IL17D: variants seen among roughly 807,000 people sequenced by gnomAD.
IL17D encodes interleukin 17D.
IL17D carries 10 observed loss-of-function variants against 5.7 expected under a neutral mutation model. The ratio of observed to expected loss-of-function variants is 1.75; its 90% CI spans 1.08 to 2.97. The LOEUF (loss-of-function observed/expected upper bound fraction) is 2.97, where lower values mean the gene tolerates loss of function less well. IL17D is among the 30% of genes most tolerant of loss of function. IL17D has a pLI of 0.00. For missense variants in IL17D, 354 were observed against 292.7 expected, an observed-to-expected ratio of 1.21 and a Z score of -1.53; for synonymous variants, 172 against 141.7, an observed-to-expected ratio of 1.21 and a Z score of -1.52.
At chr13:20,706,263 C>T (rs2058591576) in intron 1 of IL17D, among the ~76,000 whole-genome samples, 1 of 152,242 alleles carries the variant, frequency 6.6e-6, no homozygotes, top group African/African-American at 2.4e-5. Context: ...TCCTCCATTT[C>T]CAGGACCTGA....
intron 1 of IL17D, among the ~76,000 whole-genome samples, chr13:20,718,583 G>GC (rs1269184047): frequency 1.1e-5 from 1 of 92,158 alleles, no homozygotes; most frequent in African/African-American, 4.5e-5. Flanking sequence ...GCTCACACCT[G>GC]CCCCCACACA....
At chr13:20,706,100 C>T (rs771689566) in intron 1 of IL17D, among the ~76,000 whole-genome samples, 1 of 152,208 alleles carries the variant, frequency 6.6e-6, no homozygotes, top group Non-Finnish European at 1.5e-5. Flanking sequence ...ACCAAGCTCA[C>T]TGTGGCAGAG....
rs941331953 is a variant in IL17D, at chr13:20,703,869, C to T, written c.-133C>T. Reference sequence around the variant, plus strand: ...CCCGCGCGGCTCCCATCCTCCGGGCCGGCCTCTGGCTCCGCGGGGCGAGGG... The same window carrying T: ...CCCGCGCGGCTCCCATCCTCCGGGCTGGCCTCTGGCTCCGCGGGGCGAGGG... On this transcript the variant is annotated 5_prime_UTR_variant, in exon 1 of 2. Coordinates refer to ENST00000682841, the MANE Select transcript of IL17D (RefSeq NM_001385224.1). 5 of 274,500 alleles carry T rather than the reference C, an allele frequency of 1.8e-5. No homozygotes were observed. In the Admixed American group the frequency reaches 2.7e-4, roughly 15 times the overall value. The allele number at this position is 274,500 out of a possible 1,614,324, so 17.0% of individuals were successfully genotyped here.
chr13:20,707,139 A>G (rs930334748), intron 1 of IL17D, among the ~76,000 whole-genome samples: 6 of 151,922 alleles, frequency 3.9e-5, no homozygotes, highest in Non-Finnish European at 7.4e-5. Context: ...ATCACCTCTC[A>G]CCATCTTTTG....
At chr13:20,708,693 A>G (rs1205946042) in intron 1 of IL17D, among the ~76,000 whole-genome samples, 1 of 151,852 alleles carries the variant, frequency 6.6e-6, no homozygotes, top group Non-Finnish European at 1.5e-5. Context: ...AGCTCCCACA[A>G]ATCAGTAAGA....
chr13:20,708,213 G>C (rs1363468503), intron 1 of IL17D, among the ~76,000 whole-genome samples: 1 of 152,234 alleles, frequency 6.6e-6, no homozygotes, highest in African/African-American at 2.4e-5. Context: ...ACGCCCTAAA[G>C]GCACAGCAGT....
upstream of IL17D, chr13:20,702,311 T>C (rs933756244): frequency 3.9e-5 from 6 of 152,240 alleles, no homozygotes; most frequent in Non-Finnish European, 7.3e-5. Context: ...TCCTTAGTTA[T>C]AGAACATTCA....
At chr13:20,701,644 G>C, upstream of IL17D, 1 of 152,252 alleles carries the variant, frequency 6.6e-6, no homozygotes, top group Middle Eastern at 3.4e-3. Flanking sequence ...AACACGATGA[G>C]CCTGCTTTTG....
intron 1 of IL17D, among the ~76,000 whole-genome samples, chr13:20,719,127 T>C (rs1410138712): frequency 7.9e-6 from 1 of 126,092 alleles, no homozygotes; most frequent in South Asian, 2.7e-4. Flanking sequence ...CTGCCCACAC[T>C]CATCCACACA....
Position 20,707,583 on chromosome 13 carries a change from CACAG to C in IL17D, c.290+3298_290+3301del, listed in dbSNP as rs894261881. On this transcript the variant is annotated intron_variant, in intron 1 of 1. Transcript: ENST00000682841. ...TGCCACCCAGCCTGGAGTGCAGTGA[CACAG>C]ACAGATCAATGCAGCCTTGACCTTC... Among the ~76,000 whole-genome samples, 9 of 151,974 alleles carry C rather than the reference CACAG, an allele frequency of 5.9e-5. 1 individual carries two copies. Among genetic ancestry groups the C allele is most frequent in the Admixed American group, 5.9e-4 (9 of 15,250 alleles).
In IL17D at chr13:20,709,064, C is replaced by G. The variant is rs140755832; in HGVS notation, c.290+4773C>G. ...TTCCCGGGGAAGGAAGGTCAAATGA[C>G]TCAAACGCTTGACACAGAAAGCAAC... On this transcript the variant is annotated intron_variant, in intron 1 of 1. Coordinates refer to ENST00000682841, the MANE Select transcript of IL17D (RefSeq NM_001385224.1). 8.7e-3 allele frequency among the ~76,000 whole-genome samples: 1,318 copies of G among 150,814 alleles called. 11 individuals are homozygous for G. Among genetic ancestry groups the G allele is most frequent in the Non-Finnish European group, 0.014 (961 of 67,716 alleles).
rs1221501899 is a variant in IL17D at position 20,705,324 on chromosome 13, T to TG, written c.290+1040dup. Among the ~76,000 whole-genome samples the TG allele has an allele frequency of 1.2e-3, 41 of 35,280 alleles. No individual in the cohort carries two copies. In the South Asian group the frequency reaches 0.013, roughly 11 times the overall value. The allele number at this position is 35,280 out of a possible 152,430, so 23.1% of individuals were successfully genotyped here. ...ACAAGGCGAGCGGGGGCGGTGGGGG[T>TG]GGGGGGGCGTAGGCGAGGTGTTTGC... On this transcript the variant is annotated intron_variant, in intron 1 of 1. Coordinates refer to ENST00000682841, the MANE Select transcript of IL17D (RefSeq NM_001385224.1).
chr13:20,715,850 C>G (rs1392461083), intron 1 of IL17D, among the ~76,000 whole-genome samples: 1 of 152,002 alleles, frequency 6.6e-6, no homozygotes, highest in Non-Finnish European at 1.5e-5. Flanking sequence ...CTCAAGGGAT[C>G]CTCCCATCTC....
At chr13:20,720,237 A>G (rs1178265531) in intron 1 of IL17D, among the ~76,000 whole-genome samples, 1 of 151,878 alleles carries the variant, frequency 6.6e-6, no homozygotes, top group Admixed American at 6.6e-5. Context: ...GCCCCCGGAG[A>G]CTATCATCTT....
chr13:20,706,569 G>A (rs1029106187), intron 1 of IL17D, among the ~76,000 whole-genome samples: 1 of 152,260 alleles, frequency 6.6e-6, no homozygotes, highest in Non-Finnish European at 1.5e-5. Context: ...TTAGGAACAA[G>A]TGTTGTGGGA....
chr13:20,704,339 G>C (rs1684378429), intron 1 of IL17D, 48 bp downstream of exon 1: 1 of 1,056,664 alleles, frequency 9.5e-7, no homozygotes, highest in Admixed American at 5.0e-5. Context: ...GGGGAGGGCA[G>C]GGCTGGGCGG....
At chr13:20,713,276 T>C (rs892937667) in intron 1 of IL17D, 3 of 152,204 alleles carry the variant, frequency 2.0e-5, no homozygotes, top group African/African-American at 7.2e-5. Flanking sequence ...CGGCGGGACA[T>C]TGTTCATCCT....
chr13:20,720,868 C>T (rs1463436185), intron 1 of IL17D, among the ~76,000 whole-genome samples: 1 of 99,492 alleles, frequency 1.0e-5, no homozygotes, highest in South Asian at 3.5e-4. Context: ...GACCACCTCC[C>T]TCCCAACCCC....
chr13:20,720,886 C>A (rs74734558), intron 1 of IL17D, among the ~76,000 whole-genome samples: 2 of 142,960 alleles, frequency 1.4e-5, no homozygotes, highest in African/African-American at 2.6e-5. Context: ...CCCCCCCCCC[C>A]TCCCCCGGCA....
Sources: gnomAD v4.1 joint callset for allele counts (sites outside exome capture counted in the v4.1 genomes callset) on GRCh38, gnomAD v4.1.1 for gene constraint, MANE v1.5 for transcripts, NCBI Gene and HGNC (gene_info 2026-07-23, HGNC 2026-07-21) for gene names.